The following OXNAD1 variants were observed in gnomAD, a reference collection of about 807,000 sequenced individuals.
OXNAD1 encodes the protein oxidoreductase NAD-binding domain-containing protein 1.
Under a neutral mutation model 32.9 loss-of-function variants are expected in OXNAD1, and 34 were observed. The ratio of observed to expected loss-of-function variants is 1.03; its 90% CI spans 0.79 to 1.38. The LOEUF is 1.38. Ranked by LOEUF, OXNAD1 falls within the 40% of genes most tolerant of loss-of-function variation. The pLI is 0.00. For missense variants in OXNAD1, 407 were observed against 379.4 expected, an observed-to-expected ratio of 1.07 and a Z score of -0.60; for synonymous variants, 134 against 135.2, an observed-to-expected ratio of 0.99 and a Z score of 0.06.
downstream of OXNAD1, among the ~76,000 whole-genome samples, chr3:16,351,416 C>T (rs1476818820): frequency 6.6e-6 from 1 of 152,004 alleles, no homozygotes; most frequent in Admixed American, 6.6e-5. This position sits in a 1 kb window ranked among gnomAD's most constrained non-coding sequence, Gnocchi z 5.4. Flanking sequence ...TGGGCAGAAG[C>T]GAATAGTATG....
downstream of OXNAD1, among the ~76,000 whole-genome samples, chr3:16,337,977 A>G (rs1353245877): frequency 1.3e-5 from 2 of 152,256 alleles, no homozygotes; most frequent in Non-Finnish European, 2.9e-5. This position sits in a 1 kb window ranked among gnomAD's most constrained non-coding sequence, Gnocchi z 5.0. Flanking sequence ...GCCCTGGAAG[A>G]GAGAGATAAA....
chr3:16,315,339 C>T (rs1414251048), intron 9 of OXNAD1, among the ~76,000 whole-genome samples: 5 of 152,202 alleles, frequency 3.3e-5, no homozygotes, highest in African/African-American at 1.2e-4. Context: ...TGGTCTCGAA[C>T]TCCTGACCTC....
chr3:16,301,541 G>T lies in OXNAD1; in HGVS notation c.433-85G>T. The T allele has an allele frequency of 6.7e-7, 1 of 1,488,972 alleles. No homozygotes were observed. The highest frequency in any genetic ancestry group is 1.2e-5 in the South Asian group (1 of 80,586). The allele number at this position is 1,488,972 out of a possible 1,614,324, so 92.2% of individuals were successfully genotyped here. ...AGTCTTAAATACTGATAATACAGGA[G>T]ATAGACCCAGTTTTATTAAAGTAGA... is the stretch of plus-strand genomic sequence containing the variant. On this transcript the variant is annotated intron_variant, in intron 6 of 8. Transcript: ENST00000285083. This position sits in a 1 kb window ranked among gnomAD's most constrained non-coding sequence, Gnocchi z 4.1.
exon 10 of OXNAD1, chr3:16,349,786 T>C (rs2071968960): frequency 6.6e-6 from 1 of 152,276 alleles, no homozygotes; most frequent in Non-Finnish European, 1.5e-5. Flanking sequence ...TAGGCTATCT[T>C]GTATCTAGAA....
rs145926275 is a variant in OXNAD1, at chr3:16,287,905, C to T, written c.290+1457C>T. 3.8e-4 allele frequency among the ~76,000 whole-genome samples: 58 copies of T among 152,224 alleles called. No homozygotes were observed. The highest frequency in any genetic ancestry group is 7.6e-4 in the Non-Finnish European group (52 of 68,010). The stretch of plus-strand genomic sequence containing the variant: ...ATTTGGCCATTTCACTGAATTTAGG[C>T]CTGGTTTTCGTATGTGCCTGTCAGA... On this transcript the variant is annotated intron_variant, in intron 5 of 8. Coordinates refer to ENST00000285083, the MANE Select transcript of OXNAD1 (RefSeq NM_138381.5). This position sits in a 1 kb window ranked among gnomAD's most constrained non-coding sequence, Gnocchi z 4.8.
chr3:16,349,863 C>CCCAGCAGGCTGGATATT (rs760874236), exon 10 of OXNAD1: 1 of 152,328 alleles, frequency 6.6e-6, no homozygotes, highest in East Asian at 1.9e-4. Context: ...TGCAGGGTAG[C>CCCAGCAGGCTGGATATT]CCAGCAGGCT....
At chr3:16,295,842 A>T (rs948355780) in intron 6 of OXNAD1, among the ~76,000 whole-genome samples, 10 of 152,192 alleles carry the variant, frequency 6.6e-5, no homozygotes, top group African/African-American at 2.4e-4. Flanking sequence ...AATCATTGAA[A>T]ATCAATGAAG....
At chr3:16,325,651 G>A (rs1186343971) in intron 9 of OXNAD1, among the ~76,000 whole-genome samples, 2 of 152,198 alleles carry the variant, frequency 1.3e-5, no homozygotes, top group Non-Finnish European at 2.9e-5. Flanking sequence ...AGTCTTGGCT[G>A]AGAAAGAACA....
chr3:16,278,122 ATTCATTTG>A (rs199597146), intron 4 of OXNAD1, among the ~76,000 whole-genome samples: 1,655 of 152,290 alleles, frequency 0.011, 32 homozygotes, highest in African/African-American at 0.038. Context: ...ATTCATATGC[ATTCATTTG>A]TTCATTTGGA....
Position 16,302,557 on chromosome 3 carries a change from G to T in OXNAD1, c.676-83G>T. ...AGCGGCAGACGTGTGCAGAATGGGA[G>T]TTGAGGTTCAGCGTCAATGGTTGTG... On this transcript the variant is annotated intron_variant, in intron 7 of 8. Coordinates refer to ENST00000285083, the MANE Select transcript of OXNAD1 (RefSeq NM_138381.5). This position sits in a 1 kb window ranked among gnomAD's most constrained non-coding sequence, Gnocchi z 4.2. 1.1e-6 allele frequency: 1 copy of T among 890,876 alleles called. No individual in the cohort carries two copies. The highest frequency in any genetic ancestry group is 1.8e-6 in the Non-Finnish European group (1 of 557,074). 55.2% of individuals were successfully genotyped at this position (890,876 alleles called of 1,614,324 possible). A position where few individuals can be genotyped will look rare whatever the true frequency, so the allele number is the denominator to read the frequency against.
chr3:16,301,922 C>G lies in OXNAD1; in HGVS notation c.675+54C>G. 3.2e-6 allele frequency: 5 copies of G among 1,560,698 alleles called. No homozygotes were observed. In the South Asian group the frequency reaches 6.1e-5, roughly 19 times the overall value. On this transcript the variant is annotated intron_variant, in intron 7 of 8. Coordinates refer to ENST00000285083, the MANE Select transcript of OXNAD1 (RefSeq NM_138381.5). The surrounding 1 kb of genome is among the most constrained non-coding windows in gnomAD (Gnocchi z 4.1). ...AACTTGTGTAGTGGTATTAATTGTTCATGAAAGTTTTTTCTCTAGGTTTTG... is the reference window on the plus strand; with the variant it reads ...AACTTGTGTAGTGGTATTAATTGTTGATGAAAGTTTTTTCTCTAGGTTTTG...
rs2067246669 is a variant in OXNAD1 at position 16,302,403 on chromosome 3, A to G, written c.676-237A>G. The stretch of plus-strand genomic sequence containing the variant: ...ATGCTTGAGAAAAAGGAAAAAGAAA[A>G]AACTCCCGGAGAGTTGGTAATATGC... On this transcript the variant is annotated intron_variant, in intron 7 of 8. Transcript: ENST00000285083. The surrounding 1 kb of genome is among the most constrained non-coding windows in gnomAD (Gnocchi z 4.2). 1.3e-5 allele frequency among the ~76,000 whole-genome samples: 2 copies of G among 152,170 alleles called. No individual in the cohort carries two copies. Among genetic ancestry groups the G allele is most frequent in the African/African-American group, 2.4e-5 (1 of 41,430 alleles).
rs1575081880 is a variant in OXNAD1 at position 16,281,564 on chromosome 3, A to C, written c.184-4778A>C. 2.0e-5 allele frequency among the ~76,000 whole-genome samples: 3 copies of C among 152,218 alleles called. No homozygotes were observed. In the East Asian group the frequency reaches 5.8e-4, roughly 29 times the overall value. On this transcript the variant is annotated intron_variant, in intron 4 of 8. Transcript: ENST00000285083. Reference sequence around the variant, plus strand: ...ACTTCCGGTCCAAGCATTTCAGGTAAGGGATACTCAGCCTGTCATACCAAT... The same window carrying C: ...ACTTCCGGTCCAAGCATTTCAGGTACGGGATACTCAGCCTGTCATACCAAT...
At chr3:16,295,330 C>T (rs2066710634) in intron 6 of OXNAD1, among the ~76,000 whole-genome samples, 1 of 152,126 alleles carries the variant, frequency 6.6e-6, no homozygotes, top group African/African-American at 2.4e-5. Context: ...TTGTCCTAAC[C>T]ATCCTAAATA....
In OXNAD1 at chr3:16,301,718, T is replaced by G. The variant is rs548933096; in HGVS notation, c.525T>G (p.Ile175Met). 6 of 1,614,032 alleles carry G rather than the reference T, an allele frequency of 3.7e-6. No individual in the cohort carries two copies. In the South Asian group the frequency reaches 4.4e-5, roughly 12 times the overall value. The change falls in exon 7 of 9, where the codon ATT (isoleucine) becomes ATG (methionine). Residue 175 changes from isoleucine (I) to methionine (M), a missense_variant. By Grantham distance (10) the Ile-to-Met change is conservative. Transcript: ENST00000285083. This position sits in a 1 kb window ranked among gnomAD's most constrained non-coding sequence, Gnocchi z 4.1. Reference sequence around the variant, plus strand: ...ATGCCTCTAGAAACCTCGTGTTGATTGCAGGAGGAGTCGGAATTAACCCTC... The same window carrying G: ...ATGCCTCTAGAAACCTCGTGTTGATGGCAGGAGGAGTCGGAATTAACCCTC... ...PADASRNLVL[I>M]AGGVGINPLL...
At chr3:16,296,052 A>G (rs142200977) in intron 6 of OXNAD1, among the ~76,000 whole-genome samples, 56 of 152,276 alleles carry the variant, frequency 3.7e-4, no homozygotes, top group African/African-American at 1.3e-3. Context: ...CTTGCCTGCA[A>G]AGAGGGTATG....
downstream of OXNAD1, among the ~76,000 whole-genome samples, chr3:16,310,912 C>T (rs538011460): frequency 2.2e-3 from 328 of 148,614 alleles, 2 homozygotes; most frequent in African/African-American, 8.0e-3. Flanking sequence ...ATTGCTTGAA[C>T]CTGGGAGGTG....
Position 16,271,697 on chromosome 3 carries a change from GAA to G in OXNAD1, c.159_160del (p.Arg53SerfsTer14), listed in dbSNP as rs2064955052. Reference sequence around the variant, plus strand: ...AAAAGGAAAACTGATCACATGGAGAGAACTGCAAGTGTCCTTCGACGGGAGGT... The same window carrying G: ...AAAAGGAAAACTGATCACATGGAGAGCTGCAAGTGTCCTTCGACGGGAGGT... On this transcript the variant is annotated frameshift_variant, in exon 4 of 9. Coordinates refer to ENST00000285083, the MANE Select transcript of OXNAD1 (RefSeq NM_138381.5). LOFTEE classifies it high-confidence loss of function. This position sits in a 1 kb window ranked among gnomAD's most constrained non-coding sequence, Gnocchi z 4.6. 2 of 1,607,954 alleles carry G rather than the reference GAA, an allele frequency of 1.2e-6. No homozygotes were observed. The highest frequency in any genetic ancestry group is 1.7e-6 in the Non-Finnish European group (2 of 1,178,566).
At chr3:16,330,867 T>C (rs1425237605) in intron 9 of OXNAD1, among the ~76,000 whole-genome samples, 1 of 152,252 alleles carries the variant, frequency 6.6e-6, no homozygotes, top group African/African-American at 2.4e-5. Flanking sequence ...AAAGATCTTC[T>C]ATGCAGAGAA....
Sources: allele counts gnomAD v4.1 joint callset (sites outside exome capture counted in the v4.1 genomes callset), GRCh38; gene constraint gnomAD v4.1.1; non-coding constraint Gnocchi (gnomAD v3.1); transcripts MANE v1.5; gene names NCBI Gene and HGNC (gene_info 2026-07-23, HGNC 2026-07-21).